DLGAP1: variants seen among roughly 807,000 people sequenced by gnomAD.
The protein encoded by DLGAP1 is disks large-associated protein 1.
Under a neutral mutation model 90.8 loss-of-function variants are expected in DLGAP1, and 11 were observed. The ratio of observed to expected loss-of-function variants is 0.12; its 90% CI spans 0.08 to 0.20. The LOEUF (loss-of-function observed/expected upper bound fraction) is 0.20, where lower values mean the gene tolerates loss of function less well. Ranked by LOEUF, DLGAP1 falls within the 10% of genes least tolerant of loss-of-function variation. The probability of loss-of-function intolerance (pLI) is 1.00; values close to 1 mark genes in which losing one functional copy is unlikely to be tolerated. For synonymous variants in DLGAP1, 558 were observed against 540.7 expected, an observed-to-expected ratio of 1.03 and a Z score of -0.44; for missense variants, 1,050 against 1,333.8, an observed-to-expected ratio of 0.79 and a Z score of 3.31.
intron 1 of DLGAP1, among the ~76,000 whole-genome samples, chr18:4,245,832 A>G (rs2078642276): frequency 6.8e-6 from 1 of 146,658 alleles, no homozygotes; most frequent in African/African-American, 2.4e-5. Context: ...CACACCTACA[A>G]GCTGAAAACA....
intron 3 of DLGAP1, among the ~76,000 whole-genome samples, chr18:3,892,244 C>T (rs530413787): frequency 1.5e-4 from 23 of 150,946 alleles, no homozygotes; most frequent in Non-Finnish European, 2.4e-4. Context: ...ACTTTAAATT[C>T]TTCTCAGACC....
chr18:4,251,353 G>A (rs554118417), intron 1 of DLGAP1, among the ~76,000 whole-genome samples: 1 of 152,270 alleles, frequency 6.6e-6, no homozygotes, highest in Admixed American at 6.5e-5. Context: ...TTTACAGATG[G>A]AAGCACCAGG....
At chr18:4,380,934 T>C (rs2082102042) in intron 1 of DLGAP1, among the ~76,000 whole-genome samples, 1 of 152,162 alleles carries the variant, frequency 6.6e-6, no homozygotes, top group South Asian at 2.1e-4. Flanking sequence ...ATTGACCTGA[T>C]TAAAGCAGAT....
intron 7 of DLGAP1, chr18:3,721,592 G>A (rs1050145951): frequency 1.3e-5 from 2 of 151,926 alleles, no homozygotes; most frequent in Admixed American, 6.6e-5. Context: ...GTGAACAAAT[G>A]TTTCTTTAAA....
intron 1 of DLGAP1, among the ~76,000 whole-genome samples, chr18:4,195,421 A>G (rs542408533): frequency 1.3e-5 from 2 of 152,346 alleles, no homozygotes; most frequent in African/African-American, 4.8e-5. Context: ...GTCTGGTTCT[A>G]GTCAGCCCCA....
chr18:3,863,479 T>C (rs1568255094), intron 4 of DLGAP1, among the ~76,000 whole-genome samples: 1 of 152,214 alleles, frequency 6.6e-6, no homozygotes, highest in African/African-American at 2.4e-5. Flanking sequence ...ATAAACCCGT[T>C]CATTATTCCC....
intron 1 of DLGAP1, among the ~76,000 whole-genome samples, chr18:4,404,648 A>T (rs952575062): frequency 1.3e-5 from 2 of 152,246 alleles, no homozygotes; most frequent in African/African-American, 4.8e-5. Context: ...TTCTTATTCT[A>T]CATAATTTTT....
intron 7 of DLGAP1, among the ~76,000 whole-genome samples, chr18:3,728,386 G>A (rs2062274620): frequency 6.7e-6 from 1 of 148,904 alleles, no homozygotes; most frequent in South Asian, 2.1e-4. Flanking sequence ...TGTTTCATAT[G>A]CACACATTGT....
chr18:3,997,694 G>T (rs1403870715), intron 3 of DLGAP1, among the ~76,000 whole-genome samples: 1 of 151,456 alleles, frequency 6.6e-6, no homozygotes, highest in Non-Finnish European at 1.5e-5. Flanking sequence ...TTTAAAAAAA[G>T]AAAACATTAA....
chr18:3,759,909 C>A (rs547252523), intron 5 of DLGAP1, among the ~76,000 whole-genome samples: 2 of 152,274 alleles, frequency 1.3e-5, no homozygotes, highest in South Asian at 4.1e-4. Flanking sequence ...GCTGCAAGGG[C>A]AAAAACCTGG....
At chr18:3,862,787 C>T (rs1255767487) in intron 4 of DLGAP1, among the ~76,000 whole-genome samples, 1 of 152,210 alleles carries the variant, frequency 6.6e-6, no homozygotes, top group Non-Finnish European at 1.5e-5. Context: ...AGTATTTTTG[C>T]AAATGAAGAA....
At chr18:3,698,330 T>C (rs1439679159) in intron 7 of DLGAP1, among the ~76,000 whole-genome samples, 1 of 152,240 alleles carries the variant, frequency 6.6e-6, no homozygotes, top group Non-Finnish European at 1.5e-5. Context: ...TACTGGTTTT[T>C]CCTTTCCATC....
rs140691762 is a variant in DLGAP1, at chr18:3,602,496, G to A, written c.1592-20248C>T. Among the ~76,000 whole-genome samples the A allele has an allele frequency of 2.9e-3, 434 of 150,524 alleles. 22 individuals carry two copies. The East Asian group carries it at 0.079, about 27-fold the overall frequency. ...TGTAGTCCCAGCTACTCGGGAGGCT[G>A]AGGCAGGAGAATGGCGTGAACCCGG... is the stretch of plus-strand genomic sequence containing the variant. On this transcript the variant is annotated intron_variant, in intron 7 of 12. Transcript: ENST00000315677.
chr18:3,938,581 C>A (rs183715664), intron 3 of DLGAP1, among the ~76,000 whole-genome samples: 375 of 152,310 alleles, frequency 2.5e-3, no homozygotes, highest in Non-Finnish European at 4.5e-3. Flanking sequence ...TTGTCTATTT[C>A]ATTCACTGCT....
intron 1 of DLGAP1, among the ~76,000 whole-genome samples, chr18:4,337,092 C>A (rs1349018165): frequency 7.1e-6 from 1 of 140,340 alleles, no homozygotes; most frequent in African/African-American, 2.7e-5. Context: ...CCAGCCTGGG[C>A]GACAGAGTGA....
chr18:4,399,020 AG>A (rs2082496738), intron 1 of DLGAP1, among the ~76,000 whole-genome samples: 1 of 152,038 alleles, frequency 6.6e-6, no homozygotes. Flanking sequence ...TTAGTAGAGA[AG>A]GGTTTTCATC....
chr18:3,521,809 A>C (rs1404631368), intron 10 of DLGAP1, among the ~76,000 whole-genome samples: 1 of 152,228 alleles, frequency 6.6e-6, no homozygotes, highest in Non-Finnish European at 1.5e-5. Context: ...TATGCTTTGA[A>C]ATTAACTGAG....
chr18:3,529,551 T>C (rs1450643604), intron 10 of DLGAP1, among the ~76,000 whole-genome samples: 1 of 152,218 alleles, frequency 6.6e-6, no homozygotes, highest in African/African-American at 2.4e-5. Context: ...TTTCAAGGAC[T>C]CAAATACATA....
At chr18:3,970,749 A>G (rs1463752463) in intron 3 of DLGAP1, among the ~76,000 whole-genome samples, 1 of 149,032 alleles carries the variant, frequency 6.7e-6, no homozygotes, top group African/African-American at 2.6e-5. Context: ...CATATTAGAG[A>G]TATCTTGACA....
Sources: gnomAD v4.1 joint callset for allele counts (sites outside exome capture counted in the v4.1 genomes callset) on GRCh38, gnomAD v4.1.1 for gene constraint, MANE v1.5 for transcripts, NCBI Gene and HGNC (gene_info 2026-07-23, HGNC 2026-07-21) for gene names.